NCKAP5: variants seen among roughly 807,000 people sequenced by gnomAD.
NCKAP5 encodes the protein nck-associated protein 5.
Under a neutral mutation model 167.0 loss-of-function variants are expected in NCKAP5, and 92 were observed. The ratio of observed to expected loss-of-function variants is 0.55; its 90% CI spans 0.47 to 0.66. The LOEUF (loss-of-function observed/expected upper bound fraction) is 0.66, where lower values mean the gene tolerates loss of function less well. Among genes scored for constraint, NCKAP5 ranks in the 30% least tolerant of loss-of-function variants. NCKAP5 has a pLI of 0.00. For synonymous variants in NCKAP5, 891 were observed against 877.4 expected (o/e 1.02, Z -0.27); for missense variants, 2,378 against 2,315.0 (o/e 1.03, Z -0.56).
At chr2:132,704,631 A>G (rs1688183531) in intron 19 of NCKAP5, among the ~76,000 whole-genome samples, 4 of 152,134 alleles carry the variant, frequency 2.6e-5, no homozygotes, top group South Asian at 4.1e-4. Flanking sequence ...TCTACCATCC[A>G]TTGAGTCTAC....
At chr2:132,854,247 T>C (rs569825684) in intron 11 of NCKAP5, among the ~76,000 whole-genome samples, 5 of 152,292 alleles carry the variant, frequency 3.3e-5, no homozygotes, top group African/African-American at 9.6e-5. Context: ...CAACATTTAG[T>C]CATGATGCAT....
At chr2:132,700,421 T>A (rs113432042) in intron 19 of NCKAP5, among the ~76,000 whole-genome samples, 3 of 152,172 alleles carry the variant, frequency 2.0e-5, no homozygotes, top group Non-Finnish European at 2.9e-5. Context: ...CTGCATGGTA[T>A]TGCCTAAGTT....
At chr2:133,099,913 T>C (rs1192396299) in intron 6 of NCKAP5, among the ~76,000 whole-genome samples, 1 of 152,224 alleles carries the variant, frequency 6.6e-6, no homozygotes, top group Non-Finnish European at 1.5e-5. Flanking sequence ...ATGGCTACTT[T>C]TGCGCTACAA....
At position 132,783,439 on chromosome 2, in the gene NCKAP5, G is replaced by A. The variant is rs1326186456; in HGVS notation, c.3372C>T (p.Pro1124=). Residue 1124 remains proline (P), a synonymous_variant, in exon 14 of 20, where the codon CCC becomes CCT. Transcript: ENST00000409261. ...QVSSSSSSSS[P]AKSHNSPHGC... is the part of the protein sequence containing the mutation. ...CATGAGGGCTGTTATGGCTTTTGGC[G>A]GGTGATGAGGATGATGAGGAACTGC... 8 of 1,585,234 alleles carry A rather than the reference G, an allele frequency of 5.0e-6. No homozygotes were observed. The highest frequency in any genetic ancestry group is 2.2e-5 in the East Asian group (1 of 44,708).
At chr2:133,608,734 A>G in the NCKAP5 span, among the ~76,000 whole-genome samples, 1 of 152,164 alleles carries the variant, frequency 6.6e-6, no homozygotes, top group Non-Finnish European at 1.5e-5. Context: ...CACCTTTCCA[A>G]TTCTTCCTGA....
At chr2:133,099,190 A>G (rs1486237302) in intron 6 of NCKAP5, among the ~76,000 whole-genome samples, 1 of 152,186 alleles carries the variant, frequency 6.6e-6, no homozygotes, top group African/African-American at 2.4e-5. Context: ...AATGTAAATA[A>G]TTTAAGACAG....
intron 13 of NCKAP5, among the ~76,000 whole-genome samples, chr2:132,788,199 T>C (rs1683750246): frequency 6.6e-6 from 1 of 152,184 alleles, no homozygotes; most frequent in Non-Finnish European, 1.5e-5. Context: ...GATCCATCCT[T>C]TGCTGCGAAA....
the NCKAP5 span, among the ~76,000 whole-genome samples, chr2:133,616,450 T>C: frequency 6.6e-6 from 1 of 151,004 alleles, no homozygotes; most frequent in Non-Finnish European, 1.5e-5. Context: ...ATAGATGCAA[T>C]AAAAAATGAT....
chr2:133,382,236 T>G (rs1019258423), intron 3 of NCKAP5, among the ~76,000 whole-genome samples: 1 of 152,178 alleles, frequency 6.6e-6, no homozygotes, highest in Non-Finnish European at 1.5e-5. Context: ...CATCCTCTTC[T>G]CTATACCTAC....
the NCKAP5 span, among the ~76,000 whole-genome samples, chr2:133,645,389 C>T: frequency 6.6e-6 from 1 of 152,098 alleles, no homozygotes; most frequent in African/African-American, 2.4e-5. Flanking sequence ...ATTCCACAAA[C>T]ATTTTGTAGC....
intron 19 of NCKAP5, among the ~76,000 whole-genome samples, chr2:132,717,679 T>C (rs1689496376): frequency 6.6e-6 from 1 of 152,246 alleles, no homozygotes; most frequent in African/African-American, 2.4e-5. Context: ...CATCATTTCC[T>C]TGTGTTTTTC....
chr2:133,294,858 C>CT lies in NCKAP5; in HGVS notation c.143+8178dup, dbSNP rs3214583. On this transcript the variant is annotated intron_variant, in intron 4 of 19. Coordinates refer to ENST00000409261, the MANE Select transcript of NCKAP5 (RefSeq NM_207363.3). The stretch of plus-strand genomic sequence containing the variant: ...ATCTTGGATATATAAAAGTAATTAT[C>CT]TTTTTTTTGCTAGAAGGGATGAGCC... Among the ~76,000 whole-genome samples, 39 of 151,952 alleles carry CT rather than the reference C, an allele frequency of 2.6e-4. No individual in the cohort carries two copies. The East Asian group carries it at 3.5e-3, about 14-fold the overall frequency.
chr2:133,229,353 G>A (rs2087038898), intron 4 of NCKAP5, among the ~76,000 whole-genome samples: 1 of 152,016 alleles, frequency 6.6e-6, no homozygotes, highest in African/African-American at 2.4e-5. Flanking sequence ...ACAAGAGAGG[G>A]GAAAAGCAAA....
intron 14 of NCKAP5, among the ~76,000 whole-genome samples, chr2:132,781,643 C>T (rs1196360810): frequency 1.3e-5 from 2 of 152,128 alleles, no homozygotes; most frequent in Admixed American, 1.3e-4. Context: ...CATCTGGGTA[C>T]ATTCATAGCT....
At chr2:132,974,265 T>G (rs2076913977) in intron 7 of NCKAP5, among the ~76,000 whole-genome samples, 2 of 152,214 alleles carry the variant, frequency 1.3e-5, no homozygotes, top group Admixed American at 1.3e-4. Flanking sequence ...TAACCATGTG[T>G]CAAATCCACC....
chr2:133,011,174 C>A (rs551732622), intron 6 of NCKAP5, among the ~76,000 whole-genome samples: 2 of 152,260 alleles, frequency 1.3e-5, no homozygotes, highest in East Asian at 3.9e-4. Context: ...AGCTGTGCTG[C>A]GGGATTTTTA....
chr2:132,752,797 A>T (rs1015304553), intron 16 of NCKAP5, among the ~76,000 whole-genome samples: 5 of 152,330 alleles, frequency 3.3e-5, no homozygotes, highest in African/African-American at 1.2e-4. Context: ...AGCAAGCTGG[A>T]GACCCAGGAG....
At chr2:132,806,259 T>G (rs1558803232) in intron 11 of NCKAP5, among the ~76,000 whole-genome samples, 1 of 152,196 alleles carries the variant, frequency 6.6e-6, no homozygotes, top group Non-Finnish European at 1.5e-5. Flanking sequence ...CTTTTTCGAA[T>G]AATGATTTGT....
intron 6 of NCKAP5, among the ~76,000 whole-genome samples, chr2:133,079,086 C>A (rs894876747): frequency 2.0e-5 from 3 of 152,118 alleles, no homozygotes; most frequent in African/African-American, 7.2e-5. Flanking sequence ...CTCACTGACA[C>A]CAGGGATTTA....
Sources: allele counts gnomAD v4.1 joint callset (sites outside exome capture counted in the v4.1 genomes callset), GRCh38; gene constraint gnomAD v4.1.1; transcripts MANE v1.5; gene names NCBI Gene and HGNC (gene_info 2026-07-23, HGNC 2026-07-21).